GRM7: variants seen among roughly 807,000 people sequenced by gnomAD.
The protein encoded by GRM7 is metabotropic glutamate receptor 7.
GRM7 carries 35 observed loss-of-function variants against 84.5 expected under a neutral mutation model. The ratio of observed to expected loss-of-function variants is 0.41; its 90% confidence interval spans 0.32 to 0.55. The LOEUF (loss-of-function observed/expected upper bound fraction) is 0.55, where lower values mean the gene tolerates loss of function less well. Ranked by LOEUF, GRM7 falls within the 20% of genes least tolerant of loss-of-function variation. The probability of loss-of-function intolerance (pLI) is 0.19; values close to 1 mark genes in which losing one functional copy is unlikely to be tolerated. For synonymous variants in GRM7, 487 were observed against 455.1 expected (o/e 1.07, Z -0.89); for missense variants, 1,003 against 1,194.6 (o/e 0.84, Z 2.36).
intron 1 of GRM7, among the ~76,000 whole-genome samples, chr3:7,068,836 A>T (rs1011419872): frequency 2.6e-4 from 39 of 152,068 alleles, no homozygotes; most frequent in Middle Eastern, 3.4e-3. Context: ...CCCCTGATAT[A>T]TATTAAATTA....
intron 1 of GRM7, among the ~76,000 whole-genome samples, chr3:6,952,000 T>A (rs1692793742): frequency 6.6e-6 from 1 of 152,240 alleles, no homozygotes. Flanking sequence ...CCTGATTTAA[T>A]GTAACCACTT....
At chr3:7,263,873 G>C (rs191643797) in intron 2 of GRM7, among the ~76,000 whole-genome samples, 23 of 152,260 alleles carry the variant, frequency 1.5e-4, no homozygotes, top group Admixed American at 1.2e-3. Flanking sequence ...CAGGCATGCT[G>C]GTGGGGAAGG....
chr3:7,234,862 T>C (rs1508713), intron 2 of GRM7, among the ~76,000 whole-genome samples: 117,017 of 152,092 alleles, frequency 0.77, 46,525 homozygotes, highest in East Asian at 0.98. Flanking sequence ...TATTTAATAT[T>C]CTTGAAAGGT....
chr3:6,880,510 A>T (rs339804), intron 1 of GRM7, among the ~76,000 whole-genome samples: 3 of 152,040 alleles, frequency 2.0e-5, no homozygotes, highest in African/African-American at 7.3e-5. Flanking sequence ...TGGTTCACAT[A>T]TAAACAATAT....
intron 3 of GRM7, among the ~76,000 whole-genome samples, chr3:7,304,438 T>C (rs17047064): frequency 0.47 from 71,228 of 150,646 alleles, 18,555 homozygotes; most frequent in Non-Finnish European, 0.6. Flanking sequence ...TATTTCGTGA[T>C]GTGCTTGATT....
intron 7 of GRM7, among the ~76,000 whole-genome samples, chr3:7,569,107 G>A (rs1358748483): frequency 6.6e-6 from 1 of 152,162 alleles, no homozygotes; most frequent in East Asian, 1.9e-4. Context: ...CTAAGGGATT[G>A]TAAATACACC....
At chr3:7,308,056 C>G (rs1046955118) in intron 4 of GRM7, among the ~76,000 whole-genome samples, 4 of 152,142 alleles carry the variant, frequency 2.6e-5, no homozygotes, top group Non-Finnish European at 5.9e-5. Flanking sequence ...CTCAGAGATA[C>G]AGGGAAATGA....
intron 4 of GRM7, among the ~76,000 whole-genome samples, chr3:7,395,145 G>A (rs1387281245): frequency 6.6e-6 from 1 of 151,590 alleles, no homozygotes; most frequent in Admixed American, 6.6e-5. Context: ...CTTTAAATAT[G>A]TTTATAGAGC....
chr3:7,553,616 G>A (rs565923348), intron 7 of GRM7, among the ~76,000 whole-genome samples: 14 of 152,140 alleles, frequency 9.2e-5, no homozygotes, highest in Non-Finnish European at 2.1e-4. Flanking sequence ...GGGAGCACAA[G>A]GCATCTTCTT....
In GRM7 at chr3:7,647,068, A is replaced by G. The variant is rs186364524; in HGVS notation, c.2452-32981A>G. 3.9e-5 allele frequency among the ~76,000 whole-genome samples: 6 copies of G among 152,338 alleles called. No individual in the cohort carries two copies. In the East Asian group the frequency reaches 1.2e-3, roughly 29 times the overall value. Reference sequence around the variant, plus strand: ...ATTTTATCCTGCTGGGCCGTAGTCCATGCTTGATGAAATTTGCTAAATAGA... The same window carrying G: ...ATTTTATCCTGCTGGGCCGTAGTCCGTGCTTGATGAAATTTGCTAAATAGA... On this transcript the variant is annotated intron_variant, in intron 8 of 9. Transcript: ENST00000357716.
Position 7,102,054 on chromosome 3 carries a change from AT to A in GRM7, c.520-44391del, listed in dbSNP as rs1291052764. On this transcript the variant is annotated intron_variant, in intron 1 of 9. Coordinates refer to ENST00000357716, the MANE Select transcript of GRM7 (RefSeq NM_000844.4). ...TATACATCCCATAATATAATGTAAA[AT>A]TTTTTTCTTTCAAAATTTAGTTATA... is the stretch of plus-strand genomic sequence containing the variant. Among the ~76,000 whole-genome samples the A allele has an allele frequency of 1.5e-4, 23 of 151,598 alleles. 2 individuals are homozygous for A. The highest frequency in any genetic ancestry group is 5.3e-4 in the Admixed American group (8 of 15,126).
intron 7 of GRM7, among the ~76,000 whole-genome samples, chr3:7,496,563 A>T (rs1425724098): frequency 6.6e-6 from 1 of 152,186 alleles, no homozygotes; most frequent in Non-Finnish European, 1.5e-5. Context: ...ATAATGAAAA[A>T]AATTGCTAAG....
intron 9 of GRM7, among the ~76,000 whole-genome samples, chr3:7,730,356 G>C (rs929498556): frequency 1.3e-5 from 2 of 152,140 alleles, no homozygotes; most frequent in African/African-American, 4.8e-5. Context: ...TTTCCAAGTA[G>C]AATTTAAGCT....
At position 7,578,771 on chromosome 3, in the gene GRM7, G is replaced by A. The variant is rs775656438; in HGVS notation, c.1865G>A (p.Arg622Gln). 6.2e-6 allele frequency: 10 copies of A among 1,613,536 alleles called. No individual in the cohort carries two copies. Among genetic ancestry groups the A allele is most frequent in the Admixed American group, 3.3e-5 (2 of 59,988 alleles). Residue 622 changes from arginine (R) to glutamine (Q), a missense_variant, in exon 8 of 10, where the codon CGG becomes CAG. By Grantham distance (43) the Arg-to-Gln change is conservative. Coordinates refer to ENST00000357716, the MANE Select transcript of GRM7 (RefSeq NM_000844.4). ...FIRYNDTPIV[R>Q]ASGRELSYVL... is the part of the protein sequence containing the mutation. ...CGCTACAATGACACGCCCATTGTCC[G>A]GGCATCTGGGCGGGAACTCAGCTAT...
chr3:7,740,039 T>C (rs1486629287), intron 9 of GRM7, among the ~76,000 whole-genome samples: 2 of 152,160 alleles, frequency 1.3e-5, no homozygotes, highest in African/African-American at 4.8e-5. Context: ...TATACCACAG[T>C]GTGAGTGAAC....
At chr3:7,069,058 T>TA (rs1697769917) in intron 1 of GRM7, among the ~76,000 whole-genome samples, 2 of 145,996 alleles carry the variant, frequency 1.4e-5, no homozygotes, top group African/African-American at 2.7e-5. Flanking sequence ...TATACATAAT[T>TA]TTATATATAT....
intron 8 of GRM7, among the ~76,000 whole-genome samples, chr3:7,638,539 C>A (rs1698211981): frequency 6.6e-6 from 1 of 152,194 alleles, no homozygotes; most frequent in South Asian, 2.1e-4. Context: ...CCTAATGCAA[C>A]AAAGCCTTCC....
chr3:6,932,194 C>A (rs1306359700), intron 1 of GRM7, among the ~76,000 whole-genome samples: 2 of 152,130 alleles, frequency 1.3e-5, no homozygotes, highest in African/African-American at 2.4e-5. Flanking sequence ...TAACATGTAC[C>A]TATAGTAGCA....
At chr3:7,152,222 A>G (rs1393940201) in intron 2 of GRM7, among the ~76,000 whole-genome samples, 1 of 152,148 alleles carries the variant, frequency 6.6e-6, no homozygotes, top group African/African-American at 2.4e-5. Flanking sequence ...GCACCTCTTG[A>G]GTATGTCCCC....
Sources: allele counts gnomAD v4.1 joint callset (sites outside exome capture counted in the v4.1 genomes callset), GRCh38; gene constraint gnomAD v4.1.1; transcripts MANE v1.5; gene names NCBI Gene and HGNC (gene_info 2026-07-23, HGNC 2026-07-21).